LRP1B: variants seen among roughly 807,000 people sequenced by gnomAD.
LRP1B encodes the protein LDL receptor related protein 1B.
A neutral mutation model predicts 556.6 loss-of-function variants in LRP1B; 217 were observed. The observed-to-expected ratio is 0.39, with a 90% CI of 0.35 to 0.44. The LOEUF (loss-of-function observed/expected upper bound fraction) is 0.44, where lower values mean the gene tolerates loss of function less well. Among genes scored for constraint, LRP1B ranks in the 20% least tolerant of loss-of-function variants. The pLI, the probability that LRP1B is intolerant of heterozygous loss-of-function variation, is 1.00. For missense variants in LRP1B, 5,053 were observed against 5,620.8 expected, an observed-to-expected ratio of 0.90 and a Z score of 3.23; for synonymous variants, 2,047 against 1,865.8, an observed-to-expected ratio of 1.10 and a Z score of -2.50.
At chr2:140,404,235 C>T (rs182903856) in intron 66 of LRP1B, among the ~76,000 whole-genome samples, 2,933 of 132,692 alleles carry the variant, frequency 0.022, 37 homozygotes, top group African/African-American at 0.031. Context: ...AGTGCAGTGG[C>T]GCTATCTCGG....
intron 66 of LRP1B, among the ~76,000 whole-genome samples, chr2:140,391,550 T>C (rs1684020622): frequency 6.6e-6 from 1 of 152,148 alleles, no homozygotes; most frequent in African/African-American, 2.4e-5. Flanking sequence ...GCTATTAGAA[T>C]TGCAAGGAGT....
chr2:141,819,588 G>C (rs1008200019), intron 1 of LRP1B, among the ~76,000 whole-genome samples: 4 of 152,140 alleles, frequency 2.6e-5, no homozygotes, highest in African/African-American at 9.7e-5. Context: ...GATACTAGGG[G>C]CTGGAAAGGA....
intron 2 of LRP1B, among the ~76,000 whole-genome samples, chr2:141,715,408 C>A (rs760281680): frequency 8.6e-5 from 13 of 151,924 alleles, no homozygotes; most frequent in Non-Finnish European, 1.5e-4. Flanking sequence ...GAAGTCAAGG[C>A]TGCAGTGAGC....
intron 35 of LRP1B, among the ~76,000 whole-genome samples, chr2:140,753,779 C>G (rs960468843): frequency 1.3e-5 from 2 of 152,154 alleles, no homozygotes; most frequent in African/African-American, 4.8e-5. Context: ...CCTTTGGCTC[C>G]CAATAAAAAG....
chr2:141,518,580 T>A (rs1258565803), intron 2 of LRP1B, among the ~76,000 whole-genome samples: 1 of 152,144 alleles, frequency 6.6e-6, no homozygotes, highest in African/African-American at 2.4e-5. Flanking sequence ...TTTTAAAGTG[T>A]TTGGATTTTT....
intron 8 of LRP1B, among the ~76,000 whole-genome samples, chr2:141,061,661 T>C (rs1276931241): frequency 6.6e-6 from 1 of 151,866 alleles, no homozygotes; most frequent in African/African-American, 2.4e-5. Flanking sequence ...TAGCAAAATA[T>C]CTCCAACGCC....
chr2:141,001,266 T>C (rs956474407), intron 15 of LRP1B, among the ~76,000 whole-genome samples: 1 of 152,062 alleles, frequency 6.6e-6, no homozygotes, highest in Non-Finnish European at 1.5e-5. Flanking sequence ...AATTCATTCA[T>C]AAGTCCTTCT....
intron 7 of LRP1B, among the ~76,000 whole-genome samples, chr2:141,124,549 A>T (rs1450470164): frequency 6.6e-6 from 1 of 151,646 alleles, no homozygotes; most frequent in Non-Finnish European, 1.5e-5. Context: ...CCATGATCTC[A>T]CTTACCTAAT....
rs527999261 is a variant in LRP1B, at chr2:141,552,386, C to T, written c.206-71853G>A. On this transcript the variant is annotated intron_variant, in intron 2 of 90. Coordinates refer to ENST00000389484, the MANE Select transcript of LRP1B (RefSeq NM_018557.3). ...TCTCATTGTGAGTATTAAAACAGAG[C>T]AATTTTGTATGAATCTACTATAGCT... is the stretch of plus-strand genomic sequence containing the variant. 6.6e-5 allele frequency among the ~76,000 whole-genome samples: 10 copies of T among 152,020 alleles called. No homozygotes were observed. In the South Asian group the frequency reaches 2.1e-3, roughly 32 times the overall value.
intron 25 of LRP1B, among the ~76,000 whole-genome samples, chr2:140,879,365 C>T (rs996403665): frequency 6.6e-6 from 1 of 152,054 alleles, no homozygotes; most frequent in African/African-American, 2.4e-5. Flanking sequence ...CACTTTGATT[C>T]ACTAAAATAA....
chr2:140,348,849 T>G (rs1681817805), intron 77 of LRP1B, among the ~76,000 whole-genome samples: 1 of 152,048 alleles, frequency 6.6e-6, no homozygotes, highest in Non-Finnish European at 1.5e-5. Context: ...TACAATAAAT[T>G]TTGTGAATTC....
At chr2:141,485,183 A>G (rs1683078313) in intron 2 of LRP1B, among the ~76,000 whole-genome samples, 1 of 152,180 alleles carries the variant, frequency 6.6e-6, no homozygotes, top group South Asian at 2.1e-4. Context: ...TCTTTAGACT[A>G]GCCACTACAG....
chr2:140,242,403 C>T (rs559609392), intron 87 of LRP1B, among the ~76,000 whole-genome samples: 1 of 151,212 alleles, frequency 6.6e-6, no homozygotes, highest in South Asian at 2.1e-4. Context: ...TCTCCTTGTT[C>T]TGCAAATAGT....
intron 7 of LRP1B, among the ~76,000 whole-genome samples, chr2:141,108,970 G>C (rs1270100891): frequency 1.3e-5 from 2 of 152,130 alleles, no homozygotes; most frequent in Non-Finnish European, 2.9e-5. Flanking sequence ...TAAGGTATAG[G>C]TGGAGTTATA....
chr2:141,019,180 C>G (rs1347805446), intron 12 of LRP1B, among the ~76,000 whole-genome samples: 2 of 151,938 alleles, frequency 1.3e-5, no homozygotes. Flanking sequence ...GATTAAAAAT[C>G]AAAAGAAAAC....
intron 23 of LRP1B, among the ~76,000 whole-genome samples, chr2:140,892,267 G>T (rs777899433): frequency 6.6e-6 from 1 of 152,120 alleles, no homozygotes; most frequent in Non-Finnish European, 1.5e-5. Context: ...AACAGGACTT[G>T]TTCAACAGAG....
chr2:141,149,072 C>T (rs1466569681), intron 7 of LRP1B, among the ~76,000 whole-genome samples: 5 of 150,804 alleles, frequency 3.3e-5, no homozygotes, highest in Non-Finnish European at 7.4e-5. Flanking sequence ...TGCAGTGGTG[C>T]GATCTCTCAA....
chr2:140,576,467 G>T (rs1317924343), intron 43 of LRP1B, among the ~76,000 whole-genome samples: 1 of 152,158 alleles, frequency 6.6e-6, no homozygotes, highest in African/African-American at 2.4e-5. Context: ...ACTCAGACTT[G>T]GTTGTGTATG....
At chr2:141,604,176 A>G (rs1012251023) in intron 2 of LRP1B, among the ~76,000 whole-genome samples, 1 of 152,214 alleles carries the variant, frequency 6.6e-6, no homozygotes, top group East Asian at 1.9e-4. Flanking sequence ...AACACCATTT[A>G]CTAAAGCAGC....
Sources: gnomAD v4.1 joint callset for allele counts (sites outside exome capture counted in the v4.1 genomes callset) on GRCh38, gnomAD v4.1.1 for gene constraint, MANE v1.5 for transcripts, NCBI Gene and HGNC (gene_info 2026-07-23, HGNC 2026-07-21) for gene names.